LARGE1: variants seen among roughly 807,000 people sequenced by gnomAD.
LARGE1 encodes LARGE xylosyl- and glucuronyltransferase 1, also known as xylosyl- and glucuronyltransferase LARGE1.
In LARGE1, 43 loss-of-function variants were observed where a neutral mutation model predicts 87.6. That is an observed-to-expected ratio of 0.49 (90% CI 0.38 to 0.63). The LOEUF (loss-of-function observed/expected upper bound fraction) is 0.63. Ranked by LOEUF, LARGE1 falls within the 30% of genes least tolerant of loss-of-function variation. The pLI, the probability that LARGE1 is intolerant of heterozygous loss-of-function variation, is 0.00. For missense variants in LARGE1, 802 were observed against 1,000.2 expected (o/e 0.80, Z 2.67); for synonymous variants, 434 against 394.6 (o/e 1.10, Z -1.18).
At chr22:33,208,899 A>T (rs893438578) in intron 11 of LARGE1, among the ~76,000 whole-genome samples, 6 of 152,208 alleles carry the variant, frequency 3.9e-5, no homozygotes, top group African/African-American at 1.4e-4. Flanking sequence ...AAAGACATGA[A>T]CTGATTCTTT....
At chr22:33,443,815 A>G (rs1364131240) in intron 6 of LARGE1, among the ~76,000 whole-genome samples, 1 of 152,036 alleles carries the variant, frequency 6.6e-6, no homozygotes, top group Non-Finnish European at 1.5e-5. Flanking sequence ...CTAAAAAAGG[A>G]ACACAGAGCT....
intron 1 of LARGE1, among the ~76,000 whole-genome samples, chr22:33,833,748 C>T (rs1179500253): frequency 6.6e-6 from 1 of 152,102 alleles, no homozygotes; most frequent in Non-Finnish European, 1.5e-5. Flanking sequence ...AGTGCAATGG[C>T]GTGATCTCAG....
chr22:33,201,636 C>T (rs137447), intron 11 of LARGE1, among the ~76,000 whole-genome samples: 85,266 of 151,760 alleles, frequency 0.56, 24,281 homozygotes, highest in Middle Eastern at 0.62. Flanking sequence ...AGCAGAGGGA[C>T]AGGAGGGAAT....
intron 12 of LARGE1, among the ~76,000 whole-genome samples, chr22:33,288,793 C>T (rs1932008859): frequency 6.6e-6 from 1 of 152,150 alleles, no homozygotes; most frequent in South Asian, 2.1e-4. Flanking sequence ...CTACATGGGC[C>T]TGAGCTGACA....
chr22:33,547,752 C>T (rs1249657301), intron 6 of LARGE1, among the ~76,000 whole-genome samples: 2 of 127,850 alleles, frequency 1.6e-5, no homozygotes, highest in African/African-American at 6.2e-5. Context: ...TGAAACTGTG[C>T]CACTGCACTC....
intron 11 of LARGE1, among the ~76,000 whole-genome samples, chr22:33,245,985 C>T (rs62224750): frequency 0.016 from 2,413 of 152,278 alleles, 36 homozygotes; most frequent in Non-Finnish European, 0.024. Flanking sequence ...TATGAAATAT[C>T]TTAAAATGTA....
chr22:33,441,664 G>A (rs1025203678), intron 6 of LARGE1, among the ~76,000 whole-genome samples: 1 of 151,894 alleles, frequency 6.6e-6, no homozygotes, highest in South Asian at 2.1e-4. Flanking sequence ...TCGCTATGTC[G>A]CCCAGGCTGG....
chr22:33,099,551 G>A, the LARGE1 span, among the ~76,000 whole-genome samples: 1 of 152,080 alleles, frequency 6.6e-6, no homozygotes, highest in Admixed American at 6.6e-5. Flanking sequence ...CGCGCCCGGC[G>A]AGGATGCTAA....
At chr22:33,908,257 A>G (rs1021863274) in intron 1 of LARGE1, among the ~76,000 whole-genome samples, 1 of 152,202 alleles carries the variant, frequency 6.6e-6, no homozygotes, top group African/African-American at 2.4e-5. Flanking sequence ...GTTTTACTGA[A>G]AGGCTCCCGC....
chr22:33,139,003 A>T, the LARGE1 span, among the ~76,000 whole-genome samples: 1 of 152,082 alleles, frequency 6.6e-6, no homozygotes, highest in Non-Finnish European at 1.5e-5. Flanking sequence ...GTCTCACAAG[A>T]TCTGATGGTT....
intron 7 of LARGE1, among the ~76,000 whole-genome samples, chr22:33,384,848 T>G (rs562497858): frequency 2.0e-5 from 3 of 148,998 alleles, no homozygotes; most frequent in Non-Finnish European, 4.5e-5. Context: ...TTAGGTTCTC[T>G]CCTGTGTTTT....
At chr22:33,402,980 CATGCGTTTTCT>C (rs1463162140) in intron 7 of LARGE1, among the ~76,000 whole-genome samples, 1 of 152,172 alleles carries the variant, frequency 6.6e-6, no homozygotes, top group Non-Finnish European at 1.5e-5. Flanking sequence ...TTCCAAAATC[CATGCGTTTTCT>C]AATACTGATG....
chr22:33,328,847 A>G (rs1432956836), intron 10 of LARGE1, among the ~76,000 whole-genome samples: 1 of 152,118 alleles, frequency 6.6e-6, no homozygotes, highest in East Asian at 1.9e-4. Context: ...TCACGGCCCC[A>G]GCACTTAGGA....
At chr22:33,716,890 CCATT>C (rs1016810910) in intron 2 of LARGE1, among the ~76,000 whole-genome samples, 1 of 152,142 alleles carries the variant, frequency 6.6e-6, no homozygotes, top group Non-Finnish European at 1.5e-5. Flanking sequence ...GCAGAGATGC[CCATT>C]CAGAGCACAG....
chr22:33,328,566 G>C (rs959911757), intron 10 of LARGE1, among the ~76,000 whole-genome samples: 1 of 149,856 alleles, frequency 6.7e-6, no homozygotes, highest in Non-Finnish European at 1.5e-5. Context: ...GTGACAGAGC[G>C]AGACTCTCTC....
intron 6 of LARGE1, among the ~76,000 whole-genome samples, chr22:33,478,791 T>C (rs2069186028): frequency 6.6e-6 from 1 of 152,204 alleles, no homozygotes; most frequent in African/African-American, 2.4e-5. Context: ...TTAGTTCCAC[T>C]GTGTTCCCGT....
chr22:33,785,120 TATGCATATATGTGTATAC>T (rs2085578594), intron 1 of LARGE1, among the ~76,000 whole-genome samples: 1 of 56,590 alleles, frequency 1.8e-5, no homozygotes, highest in East Asian at 5.3e-4. Flanking sequence ...CATATGTGTA[TATGCATATATGTGTATAC>T]ATACATATGT....
At chr22:33,086,908 T>TA in the LARGE1 span, among the ~76,000 whole-genome samples, 2 of 152,210 alleles carry the variant, frequency 1.3e-5, no homozygotes, top group Admixed American at 6.5e-5. Context: ...TGGATTCTGT[T>TA]AAAAATCATT....
At chr22:33,785,401 C>T (rs531955103) in intron 1 of LARGE1, among the ~76,000 whole-genome samples, 40 of 152,102 alleles carry the variant, frequency 2.6e-4, no homozygotes, top group African/African-American at 9.4e-4. Context: ...CGATGAGTAA[C>T]GGGTGAACAG....
Sources: allele counts gnomAD v4.1 joint callset (sites outside exome capture counted in the v4.1 genomes callset), GRCh38; gene constraint gnomAD v4.1.1; transcripts MANE v1.5; gene names NCBI Gene and HGNC (gene_info 2026-07-23, HGNC 2026-07-21).